The following CSMD1 variants were observed in gnomAD, a reference collection of about 807,000 sequenced individuals.
The protein encoded by CSMD1 is CUB and Sushi multiple domains 1.
A neutral mutation model predicts 417.5 loss-of-function variants in CSMD1; 213 were observed. The ratio of observed to expected loss-of-function variants is 0.51; its 90% CI spans 0.46 to 0.57. The LOEUF (loss-of-function observed/expected upper bound fraction) is 0.57. CSMD1 is among the 20% of genes least tolerant of loss of function. The pLI is 0.00. For synonymous variants in CSMD1, 2,862 were observed against 1,736.8 expected, an observed-to-expected ratio of 1.65 and a Z score of -16.11; for missense variants, 6,923 against 4,529.7, an observed-to-expected ratio of 1.53 and a Z score of -15.17.
chr8:4,221,324 T>G (rs1479883090), intron 3 of CSMD1, among the ~76,000 whole-genome samples: 1 of 151,486 alleles, frequency 6.6e-6, no homozygotes, highest in African/African-American at 2.4e-5. Context: ...TACCACTTCT[T>G]GCTCACAAAA....
intron 1 of CSMD1, among the ~76,000 whole-genome samples, chr8:4,930,909 T>C (rs890411011): frequency 2.0e-5 from 3 of 152,176 alleles, no homozygotes; most frequent in Non-Finnish European, 4.4e-5. Flanking sequence ...TATCCCACCA[T>C]CTAACACAGT....
chr8:3,591,467 T>C (rs986800124), intron 8 of CSMD1, among the ~76,000 whole-genome samples: 1 of 152,212 alleles, frequency 6.6e-6, no homozygotes, highest in East Asian at 1.9e-4. Context: ...TGAGAACTTA[T>C]TAAACATTGG....
At chr8:4,592,909 G>C (rs1420936934) in intron 2 of CSMD1, among the ~76,000 whole-genome samples, 1 of 151,930 alleles carries the variant, frequency 6.6e-6, no homozygotes, top group Non-Finnish European at 1.5e-5. Flanking sequence ...TATTTATTTA[G>C]AAGTTTCGAA....
chr8:3,652,029 T>A (rs13272332), intron 7 of CSMD1, among the ~76,000 whole-genome samples: 1 of 121,186 alleles, frequency 8.3e-6, no homozygotes, highest in Non-Finnish European at 1.7e-5. Flanking sequence ...ATCAGAGCAC[T>A]TACTACCATC....
At position 3,230,119 on chromosome 8, in the gene CSMD1, C is replaced by G; in HGVS notation, c.4266G>C (p.Gln1422His). Residue 1422 changes from glutamine (Q) to histidine (H), a missense_variant, in exon 27 of 70, where the codon CAG becomes CAC. Physicochemically the swap from Gln to His is conservative, Grantham distance 24 (BLOSUM62 0). Transcript: ENST00000635120. ...AGGTGATTTTGGCTTGTCCTTGGAG[C>G]TGATAGCCAGGGTCACACTGGAATG... Reference protein sequence around the residue: ...TVTFQCDPGYQLQGQAKITCV... With the variant: ...TVTFQCDPGYHLQGQAKITCV... 6.2e-7 allele frequency: 1 copy of G among 1,613,722 alleles called. No homozygotes were observed. The highest frequency in any genetic ancestry group is 8.5e-7 in the Non-Finnish European group (1 of 1,179,754).
chr8:3,793,537 C>T (rs996239932), intron 5 of CSMD1, among the ~76,000 whole-genome samples: 3 of 150,878 alleles, frequency 2.0e-5, no homozygotes, highest in Non-Finnish European at 4.4e-5. Flanking sequence ...GATCTCTGGG[C>T]TTCCACATGA....
In CSMD1 at chr8:4,279,164, C is replaced by G. The variant is rs149128862; in HGVS notation, c.415+140789G>C. Reference sequence around the variant, plus strand: ...TAGACGTGCAAAGGAAATTATTCCCCATGCCAAGCTTCGTCTGTCTCTGTA... The same window carrying G: ...TAGACGTGCAAAGGAAATTATTCCCGATGCCAAGCTTCGTCTGTCTCTGTA... On this transcript the variant is annotated intron_variant, in intron 3 of 69. Transcript: ENST00000635120. 3.5e-3 allele frequency among the ~76,000 whole-genome samples: 529 copies of G among 152,234 alleles called. 4 individuals are homozygous for G. The highest frequency in any genetic ancestry group is 0.012 in the African/African-American group (511 of 41,538).
chr8:3,023,742 C>G (rs183837588), intron 51 of CSMD1, among the ~76,000 whole-genome samples: 8 of 150,960 alleles, frequency 5.3e-5, no homozygotes, highest in Admixed American at 4.6e-4. Flanking sequence ...GCTACCTAGA[C>G]AAGCAGAAAG....
Position 4,787,174 on chromosome 8 carries a change from G to A in CSMD1, c.86-149616C>T, listed in dbSNP as rs560252871. On this transcript the variant is annotated intron_variant, in intron 1 of 69. Transcript: ENST00000635120. Reference sequence around the variant, plus strand: ...CTCCGGGTTCGGCCGCTGTAGCGGAGCTCGGAAAGAGTGGCGCAGGGTCGC... The same window carrying A: ...CTCCGGGTTCGGCCGCTGTAGCGGAACTCGGAAAGAGTGGCGCAGGGTCGC... Among the ~76,000 whole-genome samples, 6 of 152,356 alleles carry A rather than the reference G, an allele frequency of 3.9e-5. No homozygotes were observed. In the South Asian group the frequency reaches 1.2e-3, roughly 32 times the overall value.
chr8:4,284,010 A>G (rs537649323), intron 3 of CSMD1, among the ~76,000 whole-genome samples: 1 of 152,300 alleles, frequency 6.6e-6, no homozygotes, highest in Non-Finnish European at 1.5e-5. Context: ...AGGAAGGTGA[A>G]TCACTTGAGG....
intron 5 of CSMD1, among the ~76,000 whole-genome samples, chr8:3,951,442 T>C (rs556279169): frequency 2.6e-4 from 40 of 152,360 alleles, no homozygotes; most frequent in African/African-American, 9.1e-4. Flanking sequence ...ATTAGTGGGA[T>C]GTAGAGTGCT....
chr8:4,658,159 G>C lies in CSMD1; in HGVS notation c.86-20601C>G, dbSNP rs142890639. On this transcript the variant is annotated intron_variant, in intron 1 of 69. Coordinates refer to ENST00000635120, the MANE Select transcript of CSMD1 (RefSeq NM_033225.6). Reference sequence around the variant, plus strand: ...TAATAAAAAATCCAAAAGGGAAGGAGAAAGAGAAAGCAGCAGAAATAATGT... The same window carrying C: ...TAATAAAAAATCCAAAAGGGAAGGACAAAGAGAAAGCAGCAGAAATAATGT... Among the ~76,000 whole-genome samples, 351 of 151,922 alleles carry C rather than the reference G, an allele frequency of 2.3e-3. 2 individuals are homozygous for C. The highest frequency in any genetic ancestry group is 8.3e-3 in the African/African-American group (342 of 41,440).
At chr8:3,876,600 T>C (rs149508680) in intron 5 of CSMD1, among the ~76,000 whole-genome samples, 3 of 152,220 alleles carry the variant, frequency 2.0e-5, no homozygotes, top group African/African-American at 7.2e-5. Context: ...TGCTTCATGG[T>C]ATTGTTTTTG....
chr8:3,382,751 T>C (rs1291770352), intron 18 of CSMD1, among the ~76,000 whole-genome samples: 2 of 151,554 alleles, frequency 1.3e-5, no homozygotes, highest in African/African-American at 2.4e-5. Flanking sequence ...GATTATTTCA[T>C]GTGTATATTA....
intron 21 of CSMD1, among the ~76,000 whole-genome samples, chr8:3,350,196 A>C (rs1459821878): frequency 8.2e-6 from 1 of 121,398 alleles, no homozygotes; most frequent in Non-Finnish European, 1.6e-5. Flanking sequence ...TAACTTGTGT[A>C]TGTGTGTGTT....
At chr8:3,436,640 T>A (rs2117041889) in intron 12 of CSMD1, among the ~76,000 whole-genome samples, 1 of 152,316 alleles carries the variant, frequency 6.6e-6, no homozygotes, top group African/African-American at 2.4e-5. Flanking sequence ...AGTGATTACA[T>A]GTATTTCAAA....
At chr8:4,954,302 G>A (rs763381363) in intron 1 of CSMD1, among the ~76,000 whole-genome samples, 26 of 152,100 alleles carry the variant, frequency 1.7e-4, no homozygotes, top group Admixed American at 1.2e-3. Flanking sequence ...GCAAATAACA[G>A]GTTTTAAATA....
intron 3 of CSMD1, among the ~76,000 whole-genome samples, chr8:4,197,918 T>C (rs1326713209): frequency 6.6e-6 from 1 of 152,172 alleles, no homozygotes; most frequent in Non-Finnish European, 1.5e-5. Context: ...TTTCATCTAT[T>C]CATTCATTTA....
intron 26 of CSMD1, among the ~76,000 whole-genome samples, chr8:3,235,843 A>T (rs1042970329): frequency 6.6e-6 from 1 of 151,840 alleles, no homozygotes; most frequent in Non-Finnish European, 1.5e-5. Flanking sequence ...TGTGAAGTTC[A>T]TGTTGTCTAA....
Sources: gnomAD v4.1 joint callset for allele counts (sites outside exome capture counted in the v4.1 genomes callset) on GRCh38, gnomAD v4.1.1 for gene constraint, MANE v1.5 for transcripts, NCBI Gene and HGNC (gene_info 2026-07-23, HGNC 2026-07-21) for gene names.